Variants in OPLAH observed in about 807,000 individuals in gnomAD.
OPLAH encodes 5-oxoprolinase.
Under a neutral mutation model 122.8 loss-of-function variants are expected in OPLAH, and 103 were observed. The ratio of observed to expected loss-of-function variants is 0.84; its 90% CI spans 0.71 to 0.99. The LOEUF (loss-of-function observed/expected upper bound fraction) is 0.99. Ranked by LOEUF, OPLAH falls within the 50% of genes least tolerant of loss-of-function variation. OPLAH has a pLI of 0.00. For missense variants in OPLAH, 1,902 were observed against 1,836.5 expected (o/e 1.04, Z -0.65); for synonymous variants, 875 against 796.0 (o/e 1.10, Z -1.67).
At chr8:144,050,691 C>G (rs1554757474), downstream of OPLAH, 1 of 985,338 alleles carries the variant, frequency 1.0e-6, no homozygotes, top group Non-Finnish European at 1.2e-6. Context: ...AGCCCTGGGC[C>G]CTGGGTATCG....
rs1554759516 is a variant in OPLAH, at chr8:144,057,320, C to T, written c.1423G>A (p.Ala475Thr). Residue 475 changes from alanine (A) to threonine (T), a missense_variant and splice_region_variant, in exon 11 of 27, where the codon GCA becomes ACA. Transcript: ENST00000618853. The part of the protein sequence containing the change: ...MCRPIRALTQ[A>T]RGHDPSAHVL... ...TGGGCTGAGGGGTCATGGCCTCTTG[C>T]CTAGGGAGACAGAAGGGGTCAGTGG... is the stretch of plus-strand genomic sequence containing the variant. The T allele has an allele frequency of 1.2e-6, 2 of 1,610,578 alleles. No individual in the cohort carries two copies. The highest frequency in any genetic ancestry group is 2.2e-5 in the South Asian group (2 of 90,578).
In OPLAH at chr8:144,054,666, C is replaced by A; in HGVS notation, c.2581G>T (p.Gly861Cys). ...ASRGHHADIGGITPGSMPPHS... is the reference protein window; with the variant it reads ...ASRGHHADIGCITPGSMPPHS... ...GGGGGCATGGAGCCTGGTGTGATGC[C>A]CCCGATGTCTGCGTGGTGCCCTCGG... The change falls in exon 19 of 27, where the codon GGC becomes TGC. Residue 861 changes from glycine to cysteine, a missense_variant. By Grantham distance (159) the Gly-to-Cys change is radical. Coordinates refer to ENST00000618853, the MANE Select transcript of OPLAH (RefSeq NM_017570.5). 6.2e-7 allele frequency: 1 copy of A among 1,612,508 alleles called. No individual in the cohort carries two copies. The highest frequency in any genetic ancestry group is 8.5e-7 in the Non-Finnish European group (1 of 1,179,782).
intron 12 of OPLAH, 61 bp downstream of exon 12, chr8:144,056,887 C>T (rs1232719227): frequency 1.7e-5 from 26 of 1,522,030 alleles, no homozygotes; most frequent in South Asian, 2.5e-5. Flanking sequence ...AGGAGGAACA[C>T]CCACCAAGGG....
chr8:144,054,174 G>A (rs1168084430), intron 19 of OPLAH, among the ~76,000 whole-genome samples: 1 of 151,840 alleles, frequency 6.6e-6, no homozygotes, highest in Non-Finnish European at 1.5e-5. Context: ...CTCAGACCTA[G>A]GCCCAGAAAA....
intron 23 of OPLAH, 31 bp downstream of exon 23, chr8:144,052,418 C>T: frequency 6.5e-7 from 1 of 1,530,116 alleles, no homozygotes; most frequent in Non-Finnish European, 8.7e-7. Flanking sequence ...ACCCAGTCCG[C>T]CCCCGAGCTG....
chr8:144,057,165 G>A (rs782353575), intron 11 of OPLAH, 43 bp downstream of exon 11: 18 of 1,598,672 alleles, frequency 1.1e-5, no homozygotes, highest in South Asian at 2.3e-5. Flanking sequence ...TCCCAAGCCC[G>A]GCGCAGATCA....
intron 3 of OPLAH, among the ~76,000 whole-genome samples, chr8:144,059,290 G>A (rs1207323591): frequency 6.6e-6 from 1 of 152,186 alleles, no homozygotes; most frequent in Non-Finnish European, 1.5e-5. Context: ...CCACCCCCAC[G>A]AAGGCAGCTT....
In OPLAH at chr8:144,057,246, G is replaced by T. The variant is rs369897941; in HGVS notation, c.1497C>A (p.Ile499=). The change falls in exon 11 of 27, where the codon ATC becomes ATA. Residue 499 remains isoleucine (I), a synonymous_variant. Transcript: ENST00000618853. Reference sequence around the variant, plus strand: ...CCGTGTCCATGCCCAGGGCCCGGGCGATGGCACATGCATGCTGCCCACCAG... The same window carrying T: ...CCGTGTCCATGCCCAGGGCCCGGGCTATGGCACATGCATGCTGCCCACCAG... ...GGAGGQHACA[I]ARALGMDTVH... The T allele has an allele frequency of 7.4e-6, 12 of 1,612,312 alleles. No individual in the cohort carries two copies. The highest frequency in any genetic ancestry group is 1.0e-5 in the Non-Finnish European group (12 of 1,179,718).
rs1554760511 is a variant in OPLAH at position 144,059,947 on chromosome 8, T to TG, written c.85dup (p.His29ProfsTer92). 6.2e-7 allele frequency: 1 copy of TG among 1,612,810 alleles called. No individual in the cohort carries two copies. Among genetic ancestry groups the TG allele is most frequent in the African/African-American group, 1.3e-5 (1 of 75,068 alleles). On this transcript the variant is annotated frameshift_variant, in exon 2 of 27. Coordinates refer to ENST00000618853, the MANE Select transcript of OPLAH (RefSeq NM_017570.5). LOFTEE classifies it high-confidence loss of function. ...TGAGAGCAGTTTTAAGACCCGCACG[T>TG]GCCCCCCTGGGCACTGGGCAAAGAC... is the stretch of plus-strand genomic sequence containing the variant.
rs1835577809 is a variant in OPLAH, at chr8:144,058,289, G to C, written c.899C>G (p.Thr300Ser). 1 of 1,610,356 alleles carries C rather than the reference G, an allele frequency of 6.2e-7. No individual in the cohort carries two copies. Residue 300 changes from threonine to serine, a missense_variant, in exon 7 of 27, where the codon ACC becomes AGC. Thr to Ser is a moderately conservative substitution (Grantham distance 58). This residue lies in a region of OPLAH where 1,726 missense variants were observed against 1,642.1 expected (regional missense o/e 1.05). Transcript: ENST00000618853. ...CTGGCCACCCTCCTGCTGGTAGGTG[G>C]TGGCTGAGTAGCCCACCACGCCGCC... ...PAGGVVGYSA[T>S]TYQQEGGQPV...
chr8:144,054,257 C>T (rs1469485080), intron 19 of OPLAH, among the ~76,000 whole-genome samples: 2 of 152,206 alleles, frequency 1.3e-5, no homozygotes, highest in Admixed American at 1.3e-4. Flanking sequence ...TGACTGCACA[C>T]ACCACAAGCA....
chr8:144,060,379 C>T (rs1835638706), intron 1 of OPLAH, among the ~76,000 whole-genome samples: 1 of 152,200 alleles, frequency 6.6e-6, no homozygotes, highest in Admixed American at 6.5e-5. Flanking sequence ...CTGGAGCCCT[C>T]GGGCGGGGTC....
chr8:144,058,100 A>G lies in OPLAH; in HGVS notation c.998T>C (p.Phe333Ser), dbSNP rs1835570662. 2 of 1,612,374 alleles carry G rather than the reference A, an allele frequency of 1.2e-6. No homozygotes were observed. Among genetic ancestry groups the G allele is most frequent in the South Asian group, 2.2e-5 (2 of 91,078 alleles). ...SRYAGEFEHV[F>S]EASTAGVTLQ... Reference sequence around the variant, plus strand: ...GGTGACGCCAGCTGTGCTGGCCTCGAAGACGTGCTCGAATTCCCCAGCATA... The same window carrying G: ...GGTGACGCCAGCTGTGCTGGCCTCGGAGACGTGCTCGAATTCCCCAGCATA... Residue 333 changes from phenylalanine (F) to serine (S), a missense_variant, in exon 8 of 27, where the codon TTC becomes TCC. By Grantham distance (155) the Phe-to-Ser change is radical. Around this residue, in one of 3 missense-constraint regions of OPLAH, gnomAD observed 1,726 missense variants for 1,642.1 expected, o/e 1.05. Transcript: ENST00000618853.
At position 144,053,810 on chromosome 8, in the gene OPLAH, C is replaced by T. The variant is rs1410928217; in HGVS notation, c.2687-417G>A. ...TCAGACCAGGGCTGTTTTTCCCTGTCTCTCCTACCCCCACCCCCACCACAG... is the reference window on the plus strand; with the variant it reads ...TCAGACCAGGGCTGTTTTTCCCTGTTTCTCCTACCCCCACCCCCACCACAG... On this transcript the variant is annotated intron_variant, in intron 19 of 26. Coordinates refer to ENST00000618853, the MANE Select transcript of OPLAH (RefSeq NM_017570.5). 2.6e-5 allele frequency among the ~76,000 whole-genome samples: 4 copies of T among 151,248 alleles called. No homozygotes were observed. The East Asian group carries it at 5.8e-4, about 22-fold the overall frequency.
In OPLAH at chr8:144,056,720, C is replaced by T. The variant is rs531006889; in HGVS notation, c.1742G>A (p.Arg581His). 16 of 1,610,972 alleles carry T rather than the reference C, an allele frequency of 9.9e-6. No individual in the cohort carries two copies. Among genetic ancestry groups the T allele is most frequent in the South Asian group, 6.6e-5 (6 of 90,856 alleles). ...QISTESFLHLRYQGTDCALMV... is the reference protein window; with the variant it reads ...QISTESFLHLHYQGTDCALMV... ...CAGAGCACAGTCCGTGCCCTGGTAG[C>T]GCAGGTGCAGGAAGCTCTCAGTGCT... The change falls in exon 13 of 27, where the codon CGC becomes CAC. Residue 581 changes from arginine to histidine, a missense_variant. Coordinates refer to ENST00000618853, the MANE Select transcript of OPLAH (RefSeq NM_017570.5).
chr8:144,054,818 G>C lies in OPLAH; in HGVS notation c.2505C>G (p.Ile835Met). 6.2e-7 allele frequency: 1 copy of C among 1,612,280 alleles called. No individual in the cohort carries two copies. The highest frequency in any genetic ancestry group is 1.1e-5 in the South Asian group (1 of 91,078). Residue 835 changes from isoleucine (I) to methionine (M), a missense_variant, in exon 18 of 27, where the codon ATC becomes ATG. Around this residue, in one of 3 missense-constraint regions of OPLAH, gnomAD observed 1,726 missense variants for 1,642.1 expected, o/e 1.05. Coordinates refer to ENST00000618853, the MANE Select transcript of OPLAH (RefSeq NM_017570.5). Reference protein sequence around the residue: ...GGSHLPDLTVITPVFWPGQTR... With the variant: ...GGSHLPDLTVMTPVFWPGQTR... ...GGCGGGCAGCACCCCTCACCGGTGTGATAACAGTCAGGTCTGGCAGGTGGC... is the reference window on the plus strand; with the variant it reads ...GGCGGGCAGCACCCCTCACCGGTGTCATAACAGTCAGGTCTGGCAGGTGGC...
Position 144,053,370 on chromosome 8 carries a change from G to A in OPLAH, c.2710C>T (p.Pro904Ser), listed in dbSNP as rs782578560. The change falls in exon 20 of 27, where the codon CCA becomes TCA. Residue 904 changes from proline (P) to serine (S), a missense_variant. Pro to Ser is a moderately conservative substitution (Grantham distance 74). Coordinates refer to ENST00000618853, the MANE Select transcript of OPLAH (RefSeq NM_017570.5). Reference protein sequence around the residue: ...EEAVTEALRAPGKVPNCSGTR... With the variant: ...EEAVTEALRASGKVPNCSGTR... ...CCGCTGCAGTTGGGGACCTTGCCTG[G>A]CGCCCGCAGGGCCTCCGTCACCGCT... is the stretch of plus-strand genomic sequence containing the variant. The A allele has an allele frequency of 9.9e-6, 16 of 1,611,710 alleles. No individual in the cohort carries two copies.
chr8:144,052,057 G>T lies in OPLAH; in HGVS notation c.3481C>A (p.Arg1161Ser). 6.3e-7 allele frequency: 1 copy of T among 1,586,312 alleles called. No homozygotes were observed. The highest frequency in any genetic ancestry group is 8.5e-7 in the Non-Finnish European group (1 of 1,174,034). The change falls in exon 25 of 27, where the codon CGC becomes AGC. Residue 1161 changes from arginine to serine, a missense_variant. Arg to Ser is a moderately radical substitution (Grantham distance 110, BLOSUM62 -1). Coordinates refer to ENST00000618853, the MANE Select transcript of OPLAH (RefSeq NM_017570.5). Reference protein sequence around the residue: ...LESRYPVILRRFELRRGSGGR... With the variant: ...LESRYPVILRSFELRRGSGGR... ...CCCGAGCCCCGCCGCAGCTCGAAGC[G>T]GCGCAGGATGACCGGGTACCTGCGA...
chr8:144,052,605 G>A lies in OPLAH; in HGVS notation c.3154-7C>T, dbSNP rs1010808717. ...GCACTGGCGCCAGGCAGCCCTGTGCGGGGCGGGCGGCTCTCAGGAGCTCTT... is the reference window on the plus strand; with the variant it reads ...GCACTGGCGCCAGGCAGCCCTGTGCAGGGCGGGCGGCTCTCAGGAGCTCTT... On this transcript the variant is annotated splice_polypyrimidine_tract_variant and splice_region_variant and intron_variant, in intron 22 of 26. Coordinates refer to ENST00000618853, the MANE Select transcript of OPLAH (RefSeq NM_017570.5). 2.5e-6 allele frequency: 4 copies of A among 1,587,026 alleles called. No homozygotes were observed. The African/African-American group carries it at 4.0e-5, about 16-fold the overall frequency.
Sources: gnomAD v4.1 joint callset for allele counts (sites outside exome capture counted in the v4.1 genomes callset) on GRCh38, gnomAD v4.1.1 for gene constraint, gnomAD v4.1.1 regional missense constraint, MANE v1.5 for transcripts, NCBI Gene and HGNC (gene_info 2026-07-23, HGNC 2026-07-21) for gene names.